KDELR2: variants seen among roughly 807,000 people sequenced by gnomAD.
The protein encoded by KDELR2 is KDEL endoplasmic reticulum protein retention receptor 2.
Under a neutral mutation model 23.9 loss-of-function variants are expected in KDELR2, and 15 were observed. The ratio of observed to expected loss-of-function variants is 0.63; its 90% CI spans 0.42 to 0.97. The LOEUF is 0.97. Among genes scored for constraint, KDELR2 ranks in the 50% least tolerant of loss-of-function variants. KDELR2 has a pLI of 0.00. For synonymous variants in KDELR2, 119 were observed against 106.2 expected, an observed-to-expected ratio of 1.12 and a Z score of -0.74; for missense variants, 272 against 254.6, an observed-to-expected ratio of 1.07 and a Z score of -0.46.
At position 6,484,087 on chromosome 7, in the gene KDELR2, C is replaced by T. The variant is rs1244283112; in HGVS notation, c.-30G>A. ...GCGGCGGCGGTGGCGGTCGGCGCAGCGCGGCGGCCCCGGGGCTGGGCGGCT... is the reference window on the plus strand; with the variant it reads ...GCGGCGGCGGTGGCGGTCGGCGCAGTGCGGCGGCCCCGGGGCTGGGCGGCT... On this transcript the variant is annotated 5_prime_UTR_variant, in exon 1 of 5. Coordinates refer to ENST00000258739, the MANE Select transcript of KDELR2 (RefSeq NM_006854.4). 2.1e-6 allele frequency: 3 copies of T among 1,429,556 alleles called. No homozygotes were observed. The highest frequency in any genetic ancestry group is 1.8e-6 in the Non-Finnish European group (2 of 1,081,204). The allele number at this position is 1,429,556 out of a possible 1,614,324, so 88.6% of individuals were successfully genotyped here.
chr7:6,482,600 C>T, intron 1 of KDELR2: 1 of 470,238 alleles, frequency 2.1e-6, no homozygotes, highest in Non-Finnish European at 4.4e-6. Flanking sequence ...CTGCAGACAG[C>T]AGATTCAGAG....
At position 6,483,005 on chromosome 7, in the gene KDELR2, CA is replaced by C. The variant is rs34123172; in HGVS notation, c.91+961del. On this transcript the variant is annotated intron_variant, in intron 1 of 4. Transcript: ENST00000258739. ...GGGTGACAGAGCGAGACCCTGCCTC[CA>C]AAAAAAAAAAAATAAGTTAAAAACT... Among the ~76,000 whole-genome samples the C allele has an allele frequency of 7.9e-3, 1,068 of 135,968 alleles. 11 individuals carry two copies. The highest frequency in any genetic ancestry group is 0.023 in the African/African-American group (838 of 36,034). 89.2% of individuals were successfully genotyped at this position (135,968 alleles called of 152,430 possible). A position where few individuals can be genotyped will look rare whatever the true frequency, so the allele number is the denominator to read the frequency against.
intron 3 of KDELR2, among the ~76,000 whole-genome samples, chr7:6,467,783 T>C (rs1033311270): frequency 2.0e-5 from 3 of 151,814 alleles, no homozygotes; most frequent in Admixed American, 2.0e-4. Flanking sequence ...GTCCAGGCAC[T>C]CCCAGCACCC....
At chr7:6,478,959 T>C (rs777227090) in intron 1 of KDELR2, among the ~76,000 whole-genome samples, 23 of 151,898 alleles carry the variant, frequency 1.5e-4, no homozygotes, top group Admixed American at 2.6e-4. Flanking sequence ...CGGGTAACTT[T>C]TTTGTAATTT....
chr7:6,470,860 A>G (rs966039811), intron 2 of KDELR2, among the ~76,000 whole-genome samples: 3 of 152,112 alleles, frequency 2.0e-5, no homozygotes, highest in Admixed American at 6.5e-5. Flanking sequence ...CACGCCTGTA[A>G]TCCTAGCACT....
In KDELR2 at chr7:6,484,034, C is replaced by A; in HGVS notation, c.24G>T (p.Gly8=). The A allele has an allele frequency of 6.6e-7, 1 of 1,522,988 alleles. No individual in the cohort carries two copies. Among genetic ancestry groups the A allele is most frequent in the Non-Finnish European group, 8.8e-7 (1 of 1,132,720 alleles). 94.3% of individuals were successfully genotyped at this position (1,522,988 alleles called of 1,614,324 possible). The change falls in exon 1 of 5, where the codon GGG becomes GGT. Residue 8 remains glycine, a synonymous_variant. Coordinates refer to ENST00000258739, the MANE Select transcript of KDELR2 (RefSeq NM_006854.4). ...CGATGGCCGCCAGGTGGGACAGGTC[C>A]CCAGTCAGCCGGAAAATGTTCATGG... is the stretch of plus-strand genomic sequence containing the variant. MNIFRLT[G]DLSHLAAIVI...
At chr7:6,471,176 G>GTTTTTTTTTTTT in intron 2 of KDELR2, among the ~76,000 whole-genome samples, 1 of 72,568 alleles carries the variant, frequency 1.4e-5, no homozygotes, top group Non-Finnish European at 2.5e-5. Flanking sequence ...ATTTGTTTCG[G>GTTTTTTTTTTTT]TTTTTTTTTT....
chr7:6,464,518 C>CAAAAA (rs1167645814), intron 4 of KDELR2, among the ~76,000 whole-genome samples: 1 of 151,568 alleles, frequency 6.6e-6, no homozygotes, highest in African/African-American at 2.4e-5. Flanking sequence ...GACTCAGTCT[C>CAAAAA]AAAACAAAAC....
At chr7:6,470,261 T>C (rs1204258021) in intron 2 of KDELR2, 2 of 152,474 alleles carry the variant, frequency 1.3e-5, no homozygotes, top group African/African-American at 4.8e-5. Context: ...CCGCCATCCA[T>C]GGCGTTTGCA....
chr7:6,473,985 C>G (rs907670570), intron 2 of KDELR2, 199 bp downstream of exon 2: 81 of 420,830 alleles, frequency 1.9e-4, no homozygotes, highest in Middle Eastern at 6.2e-4. Context: ...GTTTTGAAAC[C>G]AAAAATGTAT....
chr7:6,471,603 C>A (rs1055971861), intron 2 of KDELR2, among the ~76,000 whole-genome samples: 2 of 152,172 alleles, frequency 1.3e-5, no homozygotes, highest in South Asian at 2.1e-4. Context: ...TGTTGTTTCA[C>A]TTCAAGTTGC....
intron 1 of KDELR2, among the ~76,000 whole-genome samples, chr7:6,478,296 G>A (rs1441404975): frequency 4.0e-5 from 6 of 151,838 alleles, no homozygotes; most frequent in African/African-American, 1.2e-4. Context: ...ACAGGTGCAC[G>A]CCACCACGCC....
At chr7:6,482,348 C>A (rs991970687) in intron 1 of KDELR2, 1 of 257,800 alleles carries the variant, frequency 3.9e-6, no homozygotes, top group East Asian at 1.0e-4. Context: ...ATAAAGCACT[C>A]GGCTGACTAC....
At chr7:6,469,154 A>C (rs184107928) in intron 3 of KDELR2, among the ~76,000 whole-genome samples, 1 of 150,230 alleles carries the variant, frequency 6.7e-6, no homozygotes, top group Non-Finnish European at 1.5e-5. Flanking sequence ...GGGTTTCACC[A>C]TGTTAGCCAG....
intron 3 of KDELR2, among the ~76,000 whole-genome samples, chr7:6,467,446 G>C (rs1039835144): frequency 1.3e-5 from 2 of 152,258 alleles, no homozygotes; most frequent in Non-Finnish European, 2.9e-5. Flanking sequence ...AGGACTTTCA[G>C]AGGGTCCTTG....
At position 6,466,330 on chromosome 7, in the gene KDELR2, G is replaced by C; in HGVS notation, c.352-7C>G. The C allele has an allele frequency of 6.2e-7, 1 of 1,612,444 alleles. No individual in the cohort carries two copies. Among genetic ancestry groups the C allele is most frequent in the Non-Finnish European group, 8.5e-7 (1 of 1,179,204 alleles). ...TGGAGAAGGTCCAGAGGATCTGGAA[G>C]AGAAATGGCAAGCTTCCATCACGAC... is the stretch of plus-strand genomic sequence containing the variant. On this transcript the variant is annotated splice_polypyrimidine_tract_variant and splice_region_variant and intron_variant, in intron 3 of 4. Coordinates refer to ENST00000258739, the MANE Select transcript of KDELR2 (RefSeq NM_006854.4).
chr7:6,468,482 C>G (rs1382143111), intron 3 of KDELR2, among the ~76,000 whole-genome samples: 1 of 151,760 alleles, frequency 6.6e-6, no homozygotes, highest in African/African-American at 2.4e-5. Context: ...GCGTGCGATA[C>G]CACACCCAGC....
chr7:6,468,060 G>T (rs1449245052), intron 3 of KDELR2, among the ~76,000 whole-genome samples: 1 of 152,180 alleles, frequency 6.6e-6, no homozygotes, highest in African/African-American at 2.4e-5. Context: ...TCCCACACTG[G>T]GACAGGCAGG....
intron 4 of KDELR2, 111 bp from the exon 5 acceptor site, chr7:6,463,286 G>A: frequency 1.3e-6 from 1 of 794,404 alleles, no homozygotes; most frequent in East Asian, 2.5e-5. Flanking sequence ...TACATAGTAA[G>A]GTATAGGAAA....
Sources: allele counts gnomAD v4.1 joint callset (sites outside exome capture counted in the v4.1 genomes callset), GRCh38; gene constraint gnomAD v4.1.1; transcripts MANE v1.5; gene names NCBI Gene and HGNC (gene_info 2026-07-23, HGNC 2026-07-21).